DARS1: variants seen among roughly 807,000 people sequenced by gnomAD.
The protein encoded by DARS1 is aspartate--tRNA ligase, cytoplasmic.
In DARS1, 51 loss-of-function variants were observed where a neutral mutation model predicts 68.8. The ratio of observed to expected loss-of-function variants is 0.74; its 90% confidence interval spans 0.59 to 0.94. DARS1 has a LOEUF of 0.94. Among genes scored for constraint, DARS1 ranks in the 40% least tolerant of loss-of-function variants. The pLI is 0.00. For missense variants in DARS1, 607 were observed against 597.3 expected, an observed-to-expected ratio of 1.02 and a Z score of -0.17; for synonymous variants, 203 against 190.4, an observed-to-expected ratio of 1.07 and a Z score of -0.55.
At position 135,911,387 on chromosome 2, in the gene DARS1, C is replaced by T; in HGVS notation, c.1337G>A (p.Gly446Glu). Residue 446 changes from glycine to glutamate, a missense_variant, in exon 14 of 16, where the codon GGA becomes GAA. Coordinates refer to ENST00000264161, the MANE Select transcript of DARS1 (RefSeq NM_001349.4). Reference protein sequence around the residue: ...QLLTERALHHGIDLEKIKAYI... With the variant: ...QLLTERALHHEIDLEKIKAYI... ...AATTATTTTAAGTTGTTTACCAATTCCATGATGTAAAGCTCTCTCTGTTAG... is the reference window on the plus strand; with the variant it reads ...AATTATTTTAAGTTGTTTACCAATTTCATGATGTAAAGCTCTCTCTGTTAG... The T allele has an allele frequency of 1.1e-6, 1 of 936,100 alleles. No homozygotes were observed. The highest frequency in any genetic ancestry group is 1.3e-5 in the South Asian group (1 of 76,574). The allele number at this position is 936,100 out of a possible 1,614,324, so 58.0% of individuals were successfully genotyped here.
At chr2:135,958,100 T>C (rs1295261747) in intron 4 of DARS1, among the ~76,000 whole-genome samples, 1 of 152,166 alleles carries the variant, frequency 6.6e-6, no homozygotes, top group Non-Finnish European at 1.5e-5. Context: ...ATATTTCAGC[T>C]TCACAATTAA....
chr2:135,920,517 AATGGT>A lies in DARS1; in HGVS notation c.890_894del (p.Tyr297LeufsTer10). On this transcript the variant is annotated frameshift_variant, in exon 10 of 16. Transcript: ENST00000264161. LOFTEE classifies it high-confidence loss of function. The stretch of plus-strand genomic sequence containing the variant: ...GCAATTTCTTCCATAACTTCGTGGT[AATGGT>A]AATTAAAAGCCATTTCAATGTCCAA... The A allele has an allele frequency of 6.2e-7, 1 of 1,613,758 alleles. No homozygotes were observed. Among genetic ancestry groups the A allele is most frequent in the Non-Finnish European group, 8.5e-7 (1 of 1,179,858 alleles).
chr2:135,931,697 G>T (rs556616366), intron 7 of DARS1, among the ~76,000 whole-genome samples: 2 of 152,182 alleles, frequency 1.3e-5, no homozygotes, highest in Admixed American at 1.3e-4. Context: ...TTTGCTGGGT[G>T]GTGCAGGGCA....
intron 3 of DARS1, among the ~76,000 whole-genome samples, chr2:135,963,211 C>T (rs182277332): frequency 1.3e-5 from 2 of 152,174 alleles, no homozygotes; most frequent in Non-Finnish European, 2.9e-5. Context: ...CTATCACTTC[C>T]TATGAAGGGG....
intron 3 of DARS1, among the ~76,000 whole-genome samples, chr2:135,972,475 C>A (rs1682394368): frequency 6.6e-6 from 1 of 152,124 alleles, no homozygotes; most frequent in Non-Finnish European, 1.5e-5. Flanking sequence ...TATAATACTA[C>A]AAGAAAACAT....
intron 4 of DARS1, among the ~76,000 whole-genome samples, chr2:135,952,365 C>T (rs1681857380): frequency 6.6e-6 from 1 of 152,058 alleles, no homozygotes. Flanking sequence ...AAAATCAAAT[C>T]AGAGCATTTG....
At chr2:135,960,928 T>C (rs1345942643) in intron 4 of DARS1, among the ~76,000 whole-genome samples, 1 of 152,254 alleles carries the variant, frequency 6.6e-6, no homozygotes. Flanking sequence ...AAGCTAAAAG[T>C]TGTAAAACAT....
At chr2:135,937,536 C>T (rs982238195) in intron 5 of DARS1, among the ~76,000 whole-genome samples, 2 of 152,088 alleles carry the variant, frequency 1.3e-5, no homozygotes, top group African/African-American at 4.8e-5. Context: ...GTTAATTAAT[C>T]ATTCTTTAAA....
At chr2:135,920,702 T>C in intron 9 of DARS1, 102 bp from the exon 10 acceptor site, 1 of 1,377,698 alleles carries the variant, frequency 7.3e-7, no homozygotes. Context: ...CCAGTGGTAT[T>C]ATTTTCATAT....
rs1488256710 is a variant in DARS1, at chr2:135,932,227, T to C, written c.564+556A>G. The stretch of plus-strand genomic sequence containing the variant: ...GATGTGGTCAAAATATTAAGAAAGA[T>C]GCAATGGTTTTACTACAACAATGAT... On this transcript the variant is annotated intron_variant, in intron 7 of 15. Coordinates refer to ENST00000264161, the MANE Select transcript of DARS1 (RefSeq NM_001349.4). 3.3e-5 allele frequency among the ~76,000 whole-genome samples: 5 copies of C among 152,272 alleles called. No homozygotes were observed. In the East Asian group the frequency reaches 5.8e-4, roughly 18 times the overall value.
intron 3 of DARS1, among the ~76,000 whole-genome samples, chr2:135,969,607 G>A (rs1277171888): frequency 1.3e-5 from 2 of 150,262 alleles, no homozygotes; most frequent in African/African-American, 2.4e-5. Context: ...AGTTAAACAA[G>A]CACTATACTA....
intron 3 of DARS1, among the ~76,000 whole-genome samples, chr2:135,970,252 CAAAAAAAAAA>C (rs1217937806): frequency 0.024 from 1,178 of 49,282 alleles, 21 homozygotes; most frequent in African/African-American, 0.068. Flanking sequence ...GACCCTGTCT[CAAAAAAAAAA>C]AAAAAAAAAA....
intron 1 of DARS1, 86 bp downstream of exon 1, chr2:135,985,317 T>G: frequency 6.6e-7 from 1 of 1,526,504 alleles, no homozygotes; most frequent in East Asian, 2.3e-5. Flanking sequence ...CAAGGACCTG[T>G]AGGGCCCCAC....
At chr2:135,917,372 A>G (rs1292183801) in intron 10 of DARS1, among the ~76,000 whole-genome samples, 6 of 152,228 alleles carry the variant, frequency 3.9e-5, no homozygotes, top group Non-Finnish European at 5.9e-5. Flanking sequence ...AAATTTTTCC[A>G]TAATTAACAG....
At chr2:135,972,366 T>A (rs1355213900) in intron 3 of DARS1, among the ~76,000 whole-genome samples, 1 of 152,158 alleles carries the variant, frequency 6.6e-6, no homozygotes, top group Admixed American at 6.5e-5. Context: ...CTGGGAAAAC[T>A]GGATATCCAT....
chr2:135,974,491 C>A, intron 3 of DARS1, among the ~76,000 whole-genome samples: 2 of 152,252 alleles, frequency 1.3e-5, no homozygotes, highest in Middle Eastern at 6.8e-3. Context: ...GGAAGAAATG[C>A]TAGAAAAAGG....
At chr2:135,935,334 C>T (rs1451947800) in intron 5 of DARS1, among the ~76,000 whole-genome samples, 7 of 151,862 alleles carry the variant, frequency 4.6e-5, no homozygotes, top group African/African-American at 1.2e-4. Context: ...CGGTGGCTCA[C>T]GCCTGTAATC....
At chr2:135,916,871 C>T (rs1265421307) in intron 10 of DARS1, among the ~76,000 whole-genome samples, 1 of 152,092 alleles carries the variant, frequency 6.6e-6, no homozygotes, top group Non-Finnish European at 1.5e-5. Flanking sequence ...TGAATTTCTG[C>T]TATGGAAGAT....
Position 135,970,237 on chromosome 2 carries a change from A to C in DARS1, c.218-8739T>G, listed in dbSNP as rs145033552. On this transcript the variant is annotated intron_variant, in intron 3 of 15. Transcript: ENST00000264161. ...CACTGTACTCTAGCCTGGGCAACAT[A>C]GTGAGACCCTGTCTCAAAAAAAAAA... Among the ~76,000 whole-genome samples the C allele has an allele frequency of 5.0e-3, 683 of 137,736 alleles. 3 individuals are homozygous for C. The highest frequency in any genetic ancestry group is 0.018 in the African/African-American group (651 of 36,142). 90.4% of individuals were successfully genotyped at this position (137,736 alleles called of 152,430 possible).
Sources: gnomAD v4.1 joint callset for allele counts (sites outside exome capture counted in the v4.1 genomes callset) on GRCh38, gnomAD v4.1.1 for gene constraint, MANE v1.5 for transcripts, NCBI Gene and HGNC (gene_info 2026-07-23, HGNC 2026-07-21) for gene names.